Variants in NRIP3 observed in about 807,000 individuals in gnomAD.
NRIP3 encodes the protein nuclear receptor-interacting protein 3.
Under a neutral mutation model 29.0 loss-of-function variants are expected in NRIP3, and 31 were observed. The observed-to-expected ratio is 1.07, with a 90% confidence interval of 0.80 to 1.44. The LOEUF (loss-of-function observed/expected upper bound fraction) is 1.44. NRIP3 is among the 40% of genes most tolerant of loss of function. NRIP3 has a pLI of 0.00. For synonymous variants in NRIP3, 131 were observed against 118.3 expected, an observed-to-expected ratio of 1.11 and a Z score of -0.70; for missense variants, 314 against 297.9, an observed-to-expected ratio of 1.05 and a Z score of -0.40.
intron 1 of NRIP3, among the ~76,000 whole-genome samples, chr11:8,994,012 A>T (rs1387412674): frequency 6.6e-6 from 1 of 152,170 alleles, no homozygotes; most frequent in Non-Finnish European, 1.5e-5. Flanking sequence ...GAGTTCAGCC[A>T]CAAGAAAAGC....
In NRIP3 at chr11:9,003,756, G is replaced by C; in HGVS notation, c.174+6C>G. The C allele has an allele frequency of 7.1e-7, 1 of 1,411,426 alleles. No homozygotes were observed. Among genetic ancestry groups the C allele is most frequent in the Non-Finnish European group, 9.3e-7 (1 of 1,074,310 alleles). 87.4% of individuals were successfully genotyped at this position (1,411,426 alleles called of 1,614,324 possible). ...GGCCGGGGCGAGAACGGCGGCGGGG[G>C]CTCACCATGTCCTTGGACGAGCCCA... On this transcript the variant is annotated splice_donor_region_variant and intron_variant, in intron 1 of 6. Transcript: ENST00000309166.
chr11:8,999,062 C>G (rs1377428631), intron 1 of NRIP3, among the ~76,000 whole-genome samples: 1 of 152,114 alleles, frequency 6.6e-6, no homozygotes, highest in African/African-American at 2.4e-5. Context: ...CTCGGCCTCC[C>G]AAACTGCTGG....
chr11:9,003,671 G>A, intron 1 of NRIP3, 91 bp downstream of exon 1: 2 of 1,244,480 alleles, frequency 1.6e-6, no homozygotes, highest in Non-Finnish European at 2.1e-6. Flanking sequence ...GGGCCGGGCC[G>A]TGACTCAGTG....
chr11:9,003,870 T>A lies in NRIP3; in HGVS notation c.66A>T (p.Ser22=). The A allele has an allele frequency of 6.6e-7, 1 of 1,522,492 alleles. No homozygotes were observed. Among genetic ancestry groups the A allele is most frequent in the Non-Finnish European group, 8.8e-7 (1 of 1,136,422 alleles). The allele number at this position is 1,522,492 out of a possible 1,614,324, so 94.3% of individuals were successfully genotyped here. A position where few individuals can be genotyped will look rare whatever the true frequency, so the allele number is the denominator to read the frequency against. ...RKETDMREAA[S]LRQQRRMKQA... is the part of the protein sequence containing the mutation. Reference sequence around the variant, plus strand: ...GCTTCATCCGGCGCTGCTGTCGCAGTGACGCCGCCTCCCGCATGTCGGTCT... The same window carrying A: ...GCTTCATCCGGCGCTGCTGTCGCAGAGACGCCGCCTCCCGCATGTCGGTCT... Residue 22 remains serine (S), a synonymous_variant, in exon 1 of 7, where the codon TCA becomes TCT. Transcript: ENST00000309166.
chr11:8,985,592 A>T, intron 4 of NRIP3, 119 bp downstream of exon 4: 1 of 1,337,534 alleles, frequency 7.5e-7, no homozygotes, highest in Non-Finnish European at 1.0e-6. Flanking sequence ...CAGTACAAAA[A>T]AATGGGAACC....
intron 1 of NRIP3, among the ~76,000 whole-genome samples, chr11:8,995,370 G>A (rs1854683831): frequency 1.3e-5 from 2 of 152,124 alleles, no homozygotes; most frequent in Non-Finnish European, 2.9e-5. Flanking sequence ...CTCTTGATCA[G>A]TCATAAAGGA....
rs139920896 is a variant in NRIP3, at chr11:8,988,121, G to C, written c.336C>G (p.Cys112Trp). Residue 112 changes from cysteine (C) to tryptophan (W), a missense_variant, in exon 2 of 7, where the codon TGC becomes TGG. Cys to Trp is a radical substitution (Grantham distance 215). Coordinates refer to ENST00000309166, the MANE Select transcript of NRIP3 (RefSeq NM_020645.3). ...SEEDDMILVS[C>W]QCAGKDVKAL... ...AAAGCTGTTCTCAGAACATTACCTG[G>C]CAAGAAACCAAAATCATGTCATCCT... 3.5e-5 allele frequency: 57 copies of C among 1,613,756 alleles called. No individual in the cohort carries two copies. In the African/African-American group the frequency reaches 7.3e-4, roughly 21 times the overall value.
rs1350806092 is a variant in NRIP3, at chr11:8,985,770, A to G, written c.503T>C (p.Ile168Thr). 2.5e-6 allele frequency: 4 copies of G among 1,614,154 alleles called. No homozygotes were observed. The highest frequency in any genetic ancestry group is 1.7e-5 in the Admixed American group (1 of 60,012). Reference sequence around the variant, plus strand: ...GCCCAGTGTGATCACTAGGTGCTCAATCTGGCCCACTACTTTGAGATGCCG... The same window carrying G: ...GCCCAGTGTGATCACTAGGTGCTCAGTCTGGCCCACTACTTTGAGATGCCG... ...LPRHLKVVGQ[I>T]EHLVITLGSL... Residue 168 changes from isoleucine to threonine, a missense_variant, in exon 4 of 7, where the codon ATT becomes ACT. Physicochemically the swap from Ile to Thr is moderately conservative, Grantham distance 89. Coordinates refer to ENST00000309166, the MANE Select transcript of NRIP3 (RefSeq NM_020645.3).
chr11:8,993,972 A>T (rs1566139094), intron 1 of NRIP3, among the ~76,000 whole-genome samples: 1 of 152,200 alleles, frequency 6.6e-6, no homozygotes, highest in Non-Finnish European at 1.5e-5. Flanking sequence ...TAAAAATTTT[A>T]AATAAAAATA....
chr11:8,997,410 C>T (rs1854727041), intron 1 of NRIP3, among the ~76,000 whole-genome samples: 1 of 150,188 alleles, frequency 6.7e-6, no homozygotes, highest in South Asian at 2.1e-4. Context: ...TACTAATTTG[C>T]TAGATGGATG....
At chr11:8,987,949 A>G (rs974912469) in intron 2 of NRIP3, among the ~76,000 whole-genome samples, 169 bp downstream of exon 2, 1 of 152,226 alleles carries the variant, frequency 6.6e-6, no homozygotes, top group African/African-American at 2.4e-5. Flanking sequence ...CTTCCCATAA[A>G]GATGCACATG....
intron 1 of NRIP3, among the ~76,000 whole-genome samples, chr11:8,999,159 T>C (rs1162185737): frequency 6.6e-6 from 1 of 152,216 alleles, no homozygotes; most frequent in Non-Finnish European, 1.5e-5. Context: ...GCAAGTCTTA[T>C]CCACTTCAGC....
At chr11:9,002,171 A>T (rs1021543230) in intron 1 of NRIP3, among the ~76,000 whole-genome samples, 6 of 152,248 alleles carry the variant, frequency 3.9e-5, no homozygotes, top group African/African-American at 1.4e-4. Context: ...TCCAGCATTT[A>T]AAAACTCTGT....
intron 1 of NRIP3, among the ~76,000 whole-genome samples, chr11:8,996,226 G>A (rs940567401): frequency 4.8e-5 from 7 of 146,572 alleles, no homozygotes; most frequent in Non-Finnish European, 9.0e-5. Context: ...TCTTGACATA[G>A]TACTGAAAGA....
At chr11:8,990,322 A>G (rs1020875956) in intron 1 of NRIP3, among the ~76,000 whole-genome samples, 1 of 152,136 alleles carries the variant, frequency 6.6e-6, no homozygotes, top group Admixed American at 6.5e-5. Context: ...TCCCATACCA[A>G]TAATTACCTC....
At position 8,983,863 on chromosome 11, in the gene NRIP3, T is replaced by C; in HGVS notation, c.710+12A>G. ...ATGGATGTGACTTGATCTGACCCATTTGGGCACTCACTTGTCTTCATTCAA... is the reference window on the plus strand; with the variant it reads ...ATGGATGTGACTTGATCTGACCCATCTGGGCACTCACTTGTCTTCATTCAA... On this transcript the variant is annotated intron_variant, in intron 6 of 6. Coordinates refer to ENST00000309166, the MANE Select transcript of NRIP3 (RefSeq NM_020645.3). 5 of 1,609,550 alleles carry C rather than the reference T, an allele frequency of 3.1e-6. No individual in the cohort carries two copies. The highest frequency in any genetic ancestry group is 1.1e-5 in the South Asian group (1 of 90,980).
intron 1 of NRIP3, among the ~76,000 whole-genome samples, chr11:9,001,813 G>T (rs1854805346): frequency 6.9e-6 from 1 of 144,532 alleles, no homozygotes; most frequent in Admixed American, 6.7e-5. Flanking sequence ...TGGCTGTTCT[G>T]TGCAATCACT....
Position 9,003,928 on chromosome 11 carries a change from T to TAA in NRIP3, c.6_7dup (p.Tyr3PhefsTer28). ...GCCGCCCTCAGTGAGGAGCCCTGAG[T>TAA]AAAACATCGCTGAGGCGCCGGCGGC... On this transcript the variant is annotated frameshift_variant, in exon 1 of 7. Transcript: ENST00000309166. LOFTEE classifies it high-confidence loss of function. 2 of 1,497,456 alleles carry TAA rather than the reference T, an allele frequency of 1.3e-6. No individual in the cohort carries two copies. The highest frequency in any genetic ancestry group is 1.8e-6 in the Non-Finnish European group (2 of 1,122,114). The allele number at this position is 1,497,456 out of a possible 1,614,324, so 92.8% of individuals were successfully genotyped here.
chr11:8,987,257 A>G (rs1399563398), intron 3 of NRIP3, among the ~76,000 whole-genome samples: 1 of 152,174 alleles, frequency 6.6e-6, no homozygotes, highest in Non-Finnish European at 1.5e-5. Context: ...AGGGCACACA[A>G]TGAGCCAGAG....
Sources: allele counts gnomAD v4.1 joint callset (sites outside exome capture counted in the v4.1 genomes callset), GRCh38; gene constraint gnomAD v4.1.1; transcripts MANE v1.5; gene names NCBI Gene and HGNC (gene_info 2026-07-23, HGNC 2026-07-21).